BTBD9: variants seen among roughly 807,000 people sequenced by gnomAD.
The protein encoded by BTBD9 is BTB/POZ domain-containing protein 9.
BTBD9 carries 49 observed loss-of-function variants against 64.3 expected under a neutral mutation model. That is an observed-to-expected ratio of 0.76 (90% CI 0.61 to 0.97). The LOEUF (loss-of-function observed/expected upper bound fraction) is 0.97, where lower values mean the gene tolerates loss of function less well. BTBD9 is among the 50% of genes least tolerant of loss of function. The pLI is 0.00. For missense variants in BTBD9, 598 were observed against 762.1 expected (o/e 0.78, Z 2.53); for synonymous variants, 260 against 274.7 (o/e 0.95, Z 0.53).
chr6:38,245,989 TAGG>T (rs1426328671), intron 9 of BTBD9, among the ~76,000 whole-genome samples: 1 of 152,062 alleles, frequency 6.6e-6, no homozygotes, highest in African/African-American at 2.4e-5. Context: ...AAGAAGGAAA[TAGG>T]AGCTCTCAGA....
intron 7 of BTBD9, among the ~76,000 whole-genome samples, chr6:38,322,329 C>G (rs961590003): frequency 6.6e-6 from 1 of 152,158 alleles, no homozygotes; most frequent in South Asian, 2.1e-4. Context: ...ACTAATGTGA[C>G]TATTAGTCAT....
At chr6:38,529,559 C>A (rs919915742) in intron 6 of BTBD9, among the ~76,000 whole-genome samples, 3 of 152,202 alleles carry the variant, frequency 2.0e-5, no homozygotes, top group African/African-American at 7.2e-5. Flanking sequence ...GCATTAAGAC[C>A]ATCCAGGAAA....
At chr6:38,440,469 T>C (rs765724752) in intron 6 of BTBD9, among the ~76,000 whole-genome samples, 56 of 152,122 alleles carry the variant, frequency 3.7e-4, no homozygotes, top group Non-Finnish European at 7.4e-4. Context: ...TGGTAATAAT[T>C]GGTGACCTTG....
At chr6:38,228,892 A>AAAAAC (rs1763504314) in intron 9 of BTBD9, among the ~76,000 whole-genome samples, 1 of 143,424 alleles carries the variant, frequency 7.0e-6, no homozygotes, top group African/African-American at 2.6e-5. Context: ...AAACAAAAAC[A>AAAAAC]AAAACAAAAC....
chr6:38,182,178 A>G (rs1423368779), intron 10 of BTBD9, among the ~76,000 whole-genome samples: 2 of 152,208 alleles, frequency 1.3e-5, no homozygotes, highest in Non-Finnish European at 2.9e-5. Context: ...TTTTAAAAAA[A>G]CTTTACAATA....
At chr6:38,621,455 T>A (rs572247657) in intron 1 of BTBD9, among the ~76,000 whole-genome samples, 19 of 152,204 alleles carry the variant, frequency 1.2e-4, no homozygotes, top group Non-Finnish European at 2.4e-4. Flanking sequence ...GGAAGTTCAT[T>A]TGTGGAGAAT....
At chr6:38,532,864 T>A (rs1289256828) in intron 6 of BTBD9, among the ~76,000 whole-genome samples, 1 of 151,486 alleles carries the variant, frequency 6.6e-6, no homozygotes, top group African/African-American at 2.4e-5. Flanking sequence ...CTCCTTCTGC[T>A]TGAGAAAAGT....
At chr6:38,428,782 G>A (rs1295272473) in intron 6 of BTBD9, among the ~76,000 whole-genome samples, 3 of 149,114 alleles carry the variant, frequency 2.0e-5, no homozygotes, top group African/African-American at 5.0e-5. Flanking sequence ...GCGCGATCTC[G>A]GCTCACTGCA....
intron 6 of BTBD9, among the ~76,000 whole-genome samples, chr6:38,358,014 G>A (rs989223317): frequency 7.9e-5 from 12 of 151,894 alleles, no homozygotes; most frequent in African/African-American, 2.4e-4. Context: ...TTTGTTAGCC[G>A]GTCTCTCTCT....
At chr6:38,272,520 A>G (rs1765231271) in intron 8 of BTBD9, among the ~76,000 whole-genome samples, 1 of 152,180 alleles carries the variant, frequency 6.6e-6, no homozygotes, top group South Asian at 2.1e-4. Flanking sequence ...AATGAAACCA[A>G]TTTTAAATGG....
chr6:38,199,873 G>T (rs1158276871), intron 9 of BTBD9, among the ~76,000 whole-genome samples: 1 of 152,204 alleles, frequency 6.6e-6, no homozygotes, highest in Non-Finnish European at 1.5e-5. Context: ...AAGGGGAATG[G>T]GGGCAAGAAA....
At chr6:38,249,758 C>CAAAA (rs386358932) in intron 9 of BTBD9, among the ~76,000 whole-genome samples, 2 of 121,792 alleles carry the variant, frequency 1.6e-5, no homozygotes, top group African/African-American at 3.1e-5. Flanking sequence ...CATTAAGAAT[C>CAAAA]AAAAAAAAAA....
chr6:38,577,472 TG>T, intron 6 of BTBD9, 127 bp downstream of exon 6: 1 of 882,732 alleles, frequency 1.1e-6, no homozygotes, highest in South Asian at 1.8e-5. Context: ...GTTTTTTACT[TG>T]GGATATGTTT....
At chr6:38,553,760 G>T (rs1774907901) in intron 6 of BTBD9, among the ~76,000 whole-genome samples, 1 of 151,960 alleles carries the variant, frequency 6.6e-6, no homozygotes, top group African/African-American at 2.4e-5. Flanking sequence ...GGCTGAGGTG[G>T]GAAGATCAGT....
chr6:38,337,925 T>A (rs1004767560), intron 7 of BTBD9, among the ~76,000 whole-genome samples: 2 of 152,212 alleles, frequency 1.3e-5, no homozygotes, highest in African/African-American at 4.8e-5. Context: ...AGACATGTTC[T>A]TGTCTATTTG....
intron 6 of BTBD9, among the ~76,000 whole-genome samples, chr6:38,419,038 C>A (rs958837416): frequency 1.3e-5 from 2 of 152,134 alleles, no homozygotes; most frequent in Non-Finnish European, 2.9e-5. Context: ...GATCACTAAA[C>A]CCATTCTTAC....
chr6:38,307,401 C>T (rs1310256808), intron 7 of BTBD9, among the ~76,000 whole-genome samples: 4 of 152,184 alleles, frequency 2.6e-5, no homozygotes, highest in Non-Finnish European at 4.4e-5. Flanking sequence ...TATTACATCA[C>T]CAAAGAAAAA....
At chr6:38,323,981 T>C (rs1052155542) in intron 7 of BTBD9, among the ~76,000 whole-genome samples, 17 of 152,118 alleles carry the variant, frequency 1.1e-4, no homozygotes, top group African/African-American at 3.6e-4. Flanking sequence ...CATGTGCCTG[T>C]AGTCCCAGCT....
In BTBD9 at chr6:38,184,526, G is replaced by A. The variant is rs528784460; in HGVS notation, c.1641+7993C>T. On this transcript the variant is annotated intron_variant, in intron 10 of 10. Transcript: ENST00000481247. The surrounding 1 kb of genome is among the most constrained non-coding windows in gnomAD (Gnocchi z 4.4). ...CTCTGCAGACCAGGAGCTTTTGCAA[G>A]GAGAGGGCTGCCTCTCCATTTGCTC... Among the ~76,000 whole-genome samples, 35 of 152,256 alleles carry A rather than the reference G, an allele frequency of 2.3e-4. No individual in the cohort carries two copies.
Sources: allele counts gnomAD v4.1 joint callset (sites outside exome capture counted in the v4.1 genomes callset), GRCh38; gene constraint gnomAD v4.1.1; non-coding constraint Gnocchi (gnomAD v3.1); transcripts MANE v1.5; gene names NCBI Gene and HGNC (gene_info 2026-07-23, HGNC 2026-07-21).